Variants in RAP1GAP2 observed in about 807,000 individuals in gnomAD.
The protein encoded by RAP1GAP2 is rap1 GTPase-activating protein 2.
In RAP1GAP2, 27 loss-of-function variants were observed where a neutral mutation model predicts 95.0. The ratio of observed to expected loss-of-function variants is 0.28; its 90% CI spans 0.21 to 0.39. The LOEUF (loss-of-function observed/expected upper bound fraction) is 0.39. Ranked by LOEUF, RAP1GAP2 falls within the 10% of genes least tolerant of loss-of-function variation. RAP1GAP2 has a pLI of 1.00. For synonymous variants in RAP1GAP2, 373 were observed against 380.9 expected (o/e 0.98, Z 0.24); for missense variants, 771 against 970.0 (o/e 0.79, Z 2.72).
chr17:2,909,243 G>A (rs1324629315), intron 3 of RAP1GAP2, among the ~76,000 whole-genome samples: 2 of 152,184 alleles, frequency 1.3e-5, no homozygotes, highest in African/African-American at 4.8e-5. Context: ...AGCATTTCAC[G>A]GTGGTGGGAC....
At chr17:2,761,398 C>G (rs1401014563) in intron 1 of RAP1GAP2, among the ~76,000 whole-genome samples, 5 of 150,500 alleles carry the variant, frequency 3.3e-5, no homozygotes, top group Non-Finnish European at 1.5e-5. Flanking sequence ...AAGCGATTCT[C>G]TTGCCTCAGC....
At chr17:2,783,764 G>T (rs564833554) in intron 1 of RAP1GAP2, among the ~76,000 whole-genome samples, 171 of 152,334 alleles carry the variant, frequency 1.1e-3, no homozygotes, top group African/African-American at 3.3e-3. Flanking sequence ...GTGTTTCAAG[G>T]TCTAGGGGCT....
At position 2,857,547 on chromosome 17, in the gene RAP1GAP2, C is replaced by G. The variant is rs2072194701; in HGVS notation, c.81-47737C>G. Among the ~76,000 whole-genome samples, 1 of 152,150 alleles carries G rather than the reference C, an allele frequency of 6.6e-6. No individual in the cohort carries two copies. The highest frequency in any genetic ancestry group is 6.6e-5 in the Admixed American group (1 of 15,266). ...GCTGTGGGGCAGCCTGGAGGTTATG[C>G]CTTTTTCTGCCCATCTTTCAGGGTT... On this transcript the variant is annotated intron_variant, in intron 2 of 24. Transcript: ENST00000254695. The surrounding 1 kb of genome is among the most constrained non-coding windows in gnomAD (Gnocchi z 4.0).
chr17:2,950,345 C>G (rs2043873993), intron 3 of RAP1GAP2, among the ~76,000 whole-genome samples: 1 of 152,064 alleles, frequency 6.6e-6, no homozygotes, highest in African/African-American at 2.4e-5. Context: ...AGCCAATGCG[C>G]CCAGCCAGAC....
intron 8 of RAP1GAP2, among the ~76,000 whole-genome samples, chr17:2,966,334 A>G (rs2044598344): frequency 6.6e-6 from 1 of 152,214 alleles, no homozygotes; most frequent in African/African-American, 2.4e-5. Context: ...TGTCACGGGT[A>G]TGATTTTAGC....
chr17:2,835,775 G>A (rs751168588), intron 2 of RAP1GAP2, among the ~76,000 whole-genome samples: 6 of 152,178 alleles, frequency 3.9e-5, no homozygotes, highest in Non-Finnish European at 5.9e-5. Context: ...TTAGTAGAAC[G>A]TCTCACATTT....
intron 2 of RAP1GAP2, among the ~76,000 whole-genome samples, chr17:2,881,561 TTGTGTTTCTTTCACC>T (rs2073291616): frequency 6.6e-6 from 1 of 152,208 alleles, no homozygotes; most frequent in African/African-American, 2.4e-5. Context: ...TCATGGACAT[TTGTGTTTCTTTCACC>T]TGTGATCATT....
At chr17:2,791,772 C>T (rs1027250422), upstream of RAP1GAP2, among the ~76,000 whole-genome samples, 1 of 152,066 alleles carries the variant, frequency 6.6e-6, no homozygotes, top group Non-Finnish European at 1.5e-5. Flanking sequence ...TGCTGAGAGT[C>T]AGCTGAGCTC....
At chr17:3,026,536 G>A (rs541717193) in intron 21 of RAP1GAP2, 72 bp downstream of exon 21, 10 of 1,215,028 alleles carry the variant, frequency 8.2e-6, no homozygotes, top group Admixed American at 7.5e-5. Flanking sequence ...GCATTAAAAC[G>A]GCACTGTGGA....
chr17:2,830,590 T>C (rs1288709573), intron 2 of RAP1GAP2, among the ~76,000 whole-genome samples: 1 of 151,818 alleles, frequency 6.6e-6, no homozygotes, highest in Non-Finnish European at 1.5e-5. Context: ...GGCGGGCGCC[T>C]GTAGTCCCAG....
In RAP1GAP2 at chr17:2,955,604, T is replaced by A. The variant is rs1355547238; in HGVS notation, c.166-2155T>A. ...TTTCTTGAGAGTAAGTATGAGGAAT[T>A]CGTATTAACTTTTCTTTAAACGTTT... On this transcript the variant is annotated intron_variant, in intron 3 of 24. Transcript: ENST00000254695. Among the ~76,000 whole-genome samples, 3 of 152,240 alleles carry A rather than the reference T, an allele frequency of 2.0e-5. No individual in the cohort carries two copies. The East Asian group carries it at 5.8e-4, about 29-fold the overall frequency.
chr17:2,922,832 G>GT (rs1182641512), intron 3 of RAP1GAP2, among the ~76,000 whole-genome samples: 3,507 of 75,034 alleles, frequency 0.047, 82 homozygotes, highest in Non-Finnish European at 0.07. Context: ...TTTTGTTTTT[G>GT]TTTTTTTTTT....
At chr17:2,981,382 T>G in intron 10 of RAP1GAP2, 134 bp downstream of exon 10, 1 of 794,612 alleles carries the variant, frequency 1.3e-6, no homozygotes, top group Non-Finnish European at 2.0e-6. Flanking sequence ...CATGTCTCCC[T>G]CTCTCCCTGC....
At chr17:2,927,217 G>C (rs12943831) in intron 3 of RAP1GAP2, among the ~76,000 whole-genome samples, 2 of 150,540 alleles carry the variant, frequency 1.3e-5, no homozygotes, top group African/African-American at 4.9e-5. Context: ...GCAGTGGCGC[G>C]ATCTCGGCTC....
chr17:2,995,253 C>T (rs886870030), intron 12 of RAP1GAP2, 84 bp from the exon 13 acceptor site: 18 of 1,475,028 alleles, frequency 1.2e-5, no homozygotes, highest in African/African-American at 1.1e-4. Context: ...TCCTCTGCTG[C>T]GTATACTTAG....
At chr17:3,006,930 T>C (rs1184821659) in intron 16 of RAP1GAP2, among the ~76,000 whole-genome samples, 2 of 152,088 alleles carry the variant, frequency 1.3e-5, no homozygotes, top group East Asian at 3.9e-4. Context: ...ACAGCTCAGA[T>C]AGTGACTGTT....
At chr17:2,905,178 C>T (rs999841895) in intron 2 of RAP1GAP2, 106 bp from the exon 3 acceptor site, 15 of 1,056,604 alleles carry the variant, frequency 1.4e-5, no homozygotes, top group African/African-American at 1.1e-4. Flanking sequence ...CCACCCAACC[C>T]AGCCTGCATT....
In RAP1GAP2 at chr17:2,958,678, CAG is replaced by C. The variant is rs372223461; in HGVS notation, c.201+889_201+890del. On this transcript the variant is annotated intron_variant, in intron 4 of 24. Coordinates refer to ENST00000254695, the MANE Select transcript of RAP1GAP2 (RefSeq NM_015085.5). ...CGTGGCTCATAAGTAGCTTCAGAGC[CAG>C]AGAGTCCAGCCATTATGTCATGATG... is the stretch of plus-strand genomic sequence containing the variant. Among the ~76,000 whole-genome samples, 575 of 152,044 alleles carry C rather than the reference CAG, an allele frequency of 3.8e-3. 2 individuals are homozygous for C. The highest frequency in any genetic ancestry group is 0.013 in the African/African-American group (553 of 41,432).
chr17:2,984,421 G>A (rs2045481320), intron 10 of RAP1GAP2, among the ~76,000 whole-genome samples: 1 of 152,188 alleles, frequency 6.6e-6, no homozygotes, highest in South Asian at 2.1e-4. Flanking sequence ...ACTCTATGAT[G>A]CGTAACGGAA....
Sources: gnomAD v4.1 joint callset for allele counts (sites outside exome capture counted in the v4.1 genomes callset) on GRCh38, gnomAD v4.1.1 for gene constraint, Gnocchi (gnomAD v3.1) non-coding constraint, MANE v1.5 for transcripts, NCBI Gene and HGNC (gene_info 2026-07-23, HGNC 2026-07-21) for gene names.